The following QTMAN variants were observed in gnomAD, a reference collection of about 807,000 sequenced individuals.
QTMAN encodes the protein tRNA-queuosine alpha-mannosyltransferase.
chr2:144,289,166 T>C, the QTMAN span, among the ~76,000 whole-genome samples: 15 of 151,828 alleles, frequency 9.9e-5, no homozygotes, highest in Non-Finnish European at 2.2e-4. Flanking sequence ...CCTGAGTACC[T>C]GGGACTCCAG....
chr2:144,327,677 G>A, the QTMAN span, among the ~76,000 whole-genome samples: 4 of 152,120 alleles, frequency 2.6e-5, no homozygotes, highest in African/African-American at 4.8e-5. Context: ...GGTCAATCTG[G>A]TGATGTGAGT....
At chr2:144,088,531 C>T in the QTMAN span, among the ~76,000 whole-genome samples, 1 of 151,808 alleles carries the variant, frequency 6.6e-6, no homozygotes, top group Non-Finnish European at 1.5e-5. Context: ...TAGGCAAAAA[C>T]AATAAAGCTG....
At chr2:144,293,972 T>TA in the QTMAN span, among the ~76,000 whole-genome samples, 1 of 152,118 alleles carries the variant, frequency 6.6e-6, no homozygotes, top group Non-Finnish European at 1.5e-5. Flanking sequence ...AAACATAAGA[T>TA]TTTACATGCC....
chr2:144,307,287 A>G, the QTMAN span, among the ~76,000 whole-genome samples: 10 of 150,426 alleles, frequency 6.6e-5, no homozygotes, highest in Admixed American at 4.0e-4. Context: ...AAAAGCTTTC[A>G]GTATACTTAA....
the QTMAN span, among the ~76,000 whole-genome samples, chr2:144,030,975 T>C: frequency 1.3e-5 from 2 of 152,320 alleles, no homozygotes; most frequent in African/African-American, 4.8e-5. Context: ...TGGTGTGAGA[T>C]GGAGCTTGCC....
the QTMAN span, among the ~76,000 whole-genome samples, chr2:144,330,439 C>T: frequency 0.14 from 21,022 of 152,160 alleles, 2,574 homozygotes; most frequent in African/African-American, 0.33. Context: ...CATGACTAAA[C>T]CACGGTTTAT....
At chr2:144,208,847 A>G in the QTMAN span, 3 of 1,122,308 alleles carry the variant, frequency 2.7e-6, no homozygotes, top group Non-Finnish European at 3.7e-6. Context: ...CATTACATAC[A>G]TGTATAAAAT....
the QTMAN span, among the ~76,000 whole-genome samples, chr2:144,005,546 T>C: frequency 1.3e-5 from 2 of 152,112 alleles, no homozygotes; most frequent in Admixed American, 6.6e-5. Context: ...TGTTCTACTA[T>C]ATTACCCGTA....
chr2:144,187,362 C>A, the QTMAN span, among the ~76,000 whole-genome samples: 8 of 152,274 alleles, frequency 5.3e-5, no homozygotes, highest in Admixed American at 1.3e-4. Flanking sequence ...ACAACCTGCT[C>A]TTTCCAAAAC....
At chr2:144,318,438 G>A in the QTMAN span, among the ~76,000 whole-genome samples, 239 of 152,246 alleles carry the variant, frequency 1.6e-3, no homozygotes, top group Non-Finnish European at 2.7e-3. Context: ...GTATTCAAAT[G>A]CTACAACACA....
At chr2:144,072,952 T>C in the QTMAN span, among the ~76,000 whole-genome samples, 1 of 152,158 alleles carries the variant, frequency 6.6e-6, no homozygotes, top group Non-Finnish European at 1.5e-5. Context: ...AGGGGGATTT[T>C]ATGTTACAAG....
chr2:144,290,610 T>G, the QTMAN span, among the ~76,000 whole-genome samples: 1 of 152,214 alleles, frequency 6.6e-6, no homozygotes, highest in East Asian at 1.9e-4. Context: ...TCTGCCCATG[T>G]TCACTGTATG....
chr2:144,240,810 C>T, the QTMAN span, among the ~76,000 whole-genome samples: 3 of 152,146 alleles, frequency 2.0e-5, no homozygotes, highest in South Asian at 2.1e-4. Flanking sequence ...AGCATAAAAA[C>T]GACACACTAC....
At chr2:144,045,337 G>A in the QTMAN span, among the ~76,000 whole-genome samples, 1 of 152,296 alleles carries the variant, frequency 6.6e-6, no homozygotes, top group Non-Finnish European at 1.5e-5. Flanking sequence ...ACCTTCGCAG[G>A]AAATGTCTTT....
At chr2:144,225,231 A>G in the QTMAN span, among the ~76,000 whole-genome samples, 1 of 152,164 alleles carries the variant, frequency 6.6e-6, no homozygotes, top group African/African-American at 2.4e-5. Flanking sequence ...AAGCAAATCA[A>G]CAGGCCACAG....
chr2:143,970,786 AAC>A, the QTMAN span: 3 of 1,242,886 alleles, frequency 2.4e-6, no homozygotes, highest in Non-Finnish European at 2.4e-6. Flanking sequence ...CACAAAATAT[AAC>A]TTGTGTTACC....
the QTMAN span, among the ~76,000 whole-genome samples, chr2:144,302,755 C>T: frequency 6.6e-6 from 1 of 152,084 alleles, no homozygotes; most frequent in Non-Finnish European, 1.5e-5. Flanking sequence ...TATTCAAGAA[C>T]TATAACCTAG....
chr2:144,309,394 A>C, the QTMAN span, among the ~76,000 whole-genome samples: 1 of 152,262 alleles, frequency 6.6e-6, no homozygotes, highest in Non-Finnish European at 1.5e-5. Context: ...TACATGGATA[A>C]GCAAATTGTG....
At chr2:144,242,881 G>C in the QTMAN span, among the ~76,000 whole-genome samples, 1 of 147,162 alleles carries the variant, frequency 6.8e-6, no homozygotes, top group African/African-American at 2.5e-5. Flanking sequence ...AGAATCACCT[G>C]AACGCAGGTG....
Sources: allele counts gnomAD v4.1 joint callset (sites outside exome capture counted in the v4.1 genomes callset), GRCh38; gene constraint gnomAD v4.1.1; transcripts MANE v1.5; gene names NCBI Gene and HGNC (gene_info 2026-07-23, HGNC 2026-07-21).